Variants in AIG1 observed in about 807,000 individuals in gnomAD.
AIG1 encodes androgen-induced gene 1 protein.
In AIG1, 23 loss-of-function variants were observed where a neutral mutation model predicts 31.4. That is an observed-to-expected ratio of 0.73 (90% CI 0.53 to 1.04). The LOEUF is 1.04. Among genes scored for constraint, AIG1 ranks in the 50% least tolerant of loss-of-function variants. AIG1 has a pLI of 0.00. For missense variants in AIG1, 274 were observed against 295.0 expected, an observed-to-expected ratio of 0.93 and a Z score of 0.52; for synonymous variants, 100 against 110.5, an observed-to-expected ratio of 0.90 and a Z score of 0.60.
intron 2 of AIG1, 148 bp from the exon 3 acceptor site, chr6:143,164,934 T>C: frequency 1.7e-6 from 1 of 601,608 alleles, no homozygotes; most frequent in Non-Finnish European, 3.0e-6. Flanking sequence ...AAGCTAGACC[T>C]GTGTTTCCAA....
chr6:143,316,642 A>G (rs1218556607), intron 4 of AIG1, among the ~76,000 whole-genome samples: 2 of 152,280 alleles, frequency 1.3e-5, no homozygotes, highest in African/African-American at 4.8e-5. Flanking sequence ...GAAAAGAAGT[A>G]ACCAAGATCA....
At chr6:143,148,241 C>T (rs766888845) in intron 2 of AIG1, among the ~76,000 whole-genome samples, 6 of 151,024 alleles carry the variant, frequency 4.0e-5, no homozygotes, top group Admixed American at 6.6e-5. Context: ...CGGCTCACAC[C>T]TGTAATCCCA....
chr6:143,263,901 T>A (rs1442124816), intron 3 of AIG1, among the ~76,000 whole-genome samples: 1 of 152,196 alleles, frequency 6.6e-6, no homozygotes, highest in Non-Finnish European at 1.5e-5. Flanking sequence ...AGAATGTGTT[T>A]TATCTTGTGT....
At chr6:143,167,613 G>A (rs150640472) in intron 3 of AIG1, among the ~76,000 whole-genome samples, 120 of 152,264 alleles carry the variant, frequency 7.9e-4, no homozygotes, top group African/African-American at 2.6e-3. Flanking sequence ...TATGAAGCAT[G>A]TATCCAGCCA....
intron 3 of AIG1, among the ~76,000 whole-genome samples, chr6:143,193,231 T>G (rs1789945634): frequency 6.6e-6 from 1 of 152,246 alleles, no homozygotes; most frequent in South Asian, 2.1e-4. Context: ...GATACTGATA[T>G]GTTCCTTTCT....
chr6:143,129,033 T>G lies in AIG1; in HGVS notation c.142-7802T>G, dbSNP rs191844272. 2.5e-3 allele frequency among the ~76,000 whole-genome samples: 379 copies of G among 152,346 alleles called. 1 individual carries two copies. Among genetic ancestry groups the G allele is most frequent in the Non-Finnish European group, 2.4e-3 (163 of 68,036 alleles). On this transcript the variant is annotated intron_variant, in intron 1 of 5. Transcript: ENST00000357847. The stretch of plus-strand genomic sequence containing the variant: ...ATGGCTGGGCGCGGTGGCTCATGCC[T>G]GTAATCCCAGCATTTTGGGAGGCCG...
chr6:143,300,658 A>T (rs560874997), intron 4 of AIG1, among the ~76,000 whole-genome samples: 1 of 152,362 alleles, frequency 6.6e-6, no homozygotes, highest in East Asian at 1.9e-4. Flanking sequence ...GACCATGTAT[A>T]CTTCTAAAAA....
chr6:143,179,362 A>G (rs1187591962), intron 3 of AIG1, among the ~76,000 whole-genome samples: 2 of 152,224 alleles, frequency 1.3e-5, no homozygotes, highest in Non-Finnish European at 2.9e-5. Flanking sequence ...GCAGAATCAC[A>G]TTCATTATTT....
intron 1 of AIG1, among the ~76,000 whole-genome samples, chr6:143,078,812 C>G (rs746489922): frequency 6.6e-6 from 1 of 152,174 alleles, no homozygotes; most frequent in Non-Finnish European, 1.5e-5. Flanking sequence ...GGGACACAGC[C>G]AAACCATATC....
intron 1 of AIG1, among the ~76,000 whole-genome samples, chr6:143,068,443 G>A (rs377518467): frequency 1.3e-5 from 2 of 152,320 alleles, no homozygotes; most frequent in East Asian, 3.9e-4. Context: ...GGTGGAAGCA[G>A]AGCTTTCTTG....
chr6:143,264,172 C>T (rs1263891842), intron 3 of AIG1, among the ~76,000 whole-genome samples: 2 of 152,120 alleles, frequency 1.3e-5, no homozygotes, highest in African/African-American at 4.8e-5. Context: ...CGCGTATATG[C>T]TTGGGTATTT....
intron 3 of AIG1, among the ~76,000 whole-genome samples, chr6:143,181,233 C>A (rs996020992): frequency 6.6e-6 from 1 of 152,084 alleles, no homozygotes; most frequent in Admixed American, 6.5e-5. Flanking sequence ...TGGAAATTTT[C>A]AAAAATGAAA....
chr6:143,077,976 T>A (rs1055381876), intron 1 of AIG1, among the ~76,000 whole-genome samples: 1 of 152,242 alleles, frequency 6.6e-6, no homozygotes, highest in Non-Finnish European at 1.5e-5. Flanking sequence ...GATCCTGCTC[T>A]TCCAGGACTC....
chr6:143,227,787 A>G (rs1209499488), intron 3 of AIG1, among the ~76,000 whole-genome samples: 1 of 152,184 alleles, frequency 6.6e-6, no homozygotes, highest in African/African-American at 2.4e-5. Flanking sequence ...GTGCACATGC[A>G]CAGGGACCCA....
At chr6:143,109,379 C>T (rs929091395) in intron 1 of AIG1, among the ~76,000 whole-genome samples, 4 of 152,044 alleles carry the variant, frequency 2.6e-5, no homozygotes, top group Non-Finnish European at 4.4e-5. Context: ...GCATTTCTGG[C>T]GAGGAAGAGA....
chr6:143,316,584 C>T (rs1562587039), intron 4 of AIG1, among the ~76,000 whole-genome samples: 2 of 151,900 alleles, frequency 1.3e-5, no homozygotes, highest in Admixed American at 1.3e-4. Context: ...AAGACCACAC[C>T]TCAAAGAACT....
At chr6:143,317,218 A>G (rs561795578) in intron 4 of AIG1, among the ~76,000 whole-genome samples, 37 of 152,252 alleles carry the variant, frequency 2.4e-4, no homozygotes, top group African/African-American at 8.4e-4. Flanking sequence ...AAAAAAGAAA[A>G]CTACAGACCA....
At chr6:143,225,183 T>C (rs915814085) in intron 3 of AIG1, among the ~76,000 whole-genome samples, 1 of 152,210 alleles carries the variant, frequency 6.6e-6, no homozygotes, top group African/African-American at 2.4e-5. Context: ...TGCTGAAGTG[T>C]GGCCTCTTCC....
At chr6:143,243,591 T>C (rs1410836537) in intron 3 of AIG1, among the ~76,000 whole-genome samples, 1 of 152,210 alleles carries the variant, frequency 6.6e-6, no homozygotes, top group East Asian at 1.9e-4. Context: ...TATCTGATCT[T>C]AAGTCACCCC....
Sources: gnomAD v4.1 joint callset for allele counts (sites outside exome capture counted in the v4.1 genomes callset) on GRCh38, gnomAD v4.1.1 for gene constraint, MANE v1.5 for transcripts, NCBI Gene and HGNC (gene_info 2026-07-23, HGNC 2026-07-21) for gene names.